Variants in SCAMP4 observed in about 807,000 individuals in gnomAD.
SCAMP4 encodes secretory carrier-associated membrane protein 4.
A neutral mutation model predicts 32.1 loss-of-function variants in SCAMP4; 19 were observed. The ratio of observed to expected loss-of-function variants is 0.59; its 90% CI spans 0.41 to 0.87. The LOEUF is 0.87. SCAMP4 is among the 40% of genes least tolerant of loss of function. SCAMP4 has a pLI of 0.00. For synonymous variants in SCAMP4, 152 were observed against 132.7 expected, an observed-to-expected ratio of 1.15 and a Z score of -1.00; for missense variants, 302 against 309.0, an observed-to-expected ratio of 0.98 and a Z score of 0.17.
Position 1,924,450 on chromosome 19 carries a change from C to T in SCAMP4, c.*166C>T. 1 of 622,412 alleles carries T rather than the reference C, an allele frequency of 1.6e-6. No individual in the cohort carries two copies. The highest frequency in any genetic ancestry group is 2.8e-6 in the Non-Finnish European group (1 of 352,550). The allele number at this position is 622,412 out of a possible 1,614,324, so 38.6% of individuals were successfully genotyped here. On this transcript the variant is annotated 3_prime_UTR_variant, in exon 7 of 7. Transcript: ENST00000316097. ...CCCCTCCTGCCAGGGCCACAGAACC[C>T]GTGTTCATCTCATCCGAGAGCGGAG... is the stretch of plus-strand genomic sequence containing the variant.
At chr19:1,907,452 G>C (rs562328198) in intron 1 of SCAMP4, among the ~76,000 whole-genome samples, 4 of 152,014 alleles carry the variant, frequency 2.6e-5, no homozygotes, top group Admixed American at 2.6e-4. Context: ...CCGAGGCTTG[G>C]AGGAGTCAGG....
intron 5 of SCAMP4, chr19:1,921,730 C>T (rs1376051870): frequency 6.3e-5 from 62 of 983,826 alleles, no homozygotes; most frequent in South Asian, 9.4e-5. Flanking sequence ...GTAATCCCAG[C>T]GCTTTGGGAG....
At chr19:1,913,213 T>C in intron 1 of SCAMP4, 2 of 1,457,034 alleles carry the variant, frequency 1.4e-6, no homozygotes, top group Non-Finnish European at 1.8e-6. Context: ...CTCCTGGACT[T>C]CCGGGCCTCG....
intron 4 of SCAMP4, 39 bp from the exon 5 acceptor site, chr19:1,918,850 A>G (rs978741960): frequency 1.3e-6 from 2 of 1,573,398 alleles, no homozygotes; most frequent in Non-Finnish European, 8.6e-7. Context: ...GGGAGAAGCC[A>G]GGGCTGTGGT....
intron 1 of SCAMP4, chr19:1,914,634 G>GC: frequency 2.6e-6 from 1 of 382,494 alleles, no homozygotes. Context: ...AGGCCCTGCA[G>GC]CGTTCACCTT....
Position 1,924,531 on chromosome 19 carries a change from C to G in SCAMP4, c.*247C>G. 1 of 541,188 alleles carries G rather than the reference C, an allele frequency of 1.8e-6. No homozygotes were observed. The highest frequency in any genetic ancestry group is 3.4e-6 in the Non-Finnish European group (1 of 297,326). The allele number at this position is 541,188 out of a possible 1,614,324, so 33.5% of individuals were successfully genotyped here. A position where few individuals can be genotyped will look rare whatever the true frequency, so the allele number is the denominator to read the frequency against. ...GCCTCTGCCGTCCACAGGACGCCCTCTTGCTCCCGGAAACGTGTGGTCACC... is the reference window on the plus strand; with the variant it reads ...GCCTCTGCCGTCCACAGGACGCCCTGTTGCTCCCGGAAACGTGTGGTCACC... On this transcript the variant is annotated 3_prime_UTR_variant, in exon 7 of 7. Coordinates refer to ENST00000316097, the MANE Select transcript of SCAMP4 (RefSeq NM_079834.4).
intron 1 of SCAMP4, among the ~76,000 whole-genome samples, 188 bp from the exon 2 acceptor site, chr19:1,914,791 G>A (rs1255731667): frequency 6.6e-6 from 1 of 152,202 alleles, no homozygotes; most frequent in African/African-American, 2.4e-5. Flanking sequence ...GGTGTGCACT[G>A]GAGCCGAGGG....
At chr19:1,910,155 G>A (rs1325366524) in intron 1 of SCAMP4, among the ~76,000 whole-genome samples, 1 of 152,178 alleles carries the variant, frequency 6.6e-6, no homozygotes, top group Non-Finnish European at 1.5e-5. Context: ...ATGTGACATG[G>A]CTGGCTCCTC....
chr19:1,917,305 C>T (rs2013764190), intron 2 of SCAMP4, among the ~76,000 whole-genome samples: 1 of 151,544 alleles, frequency 6.6e-6, no homozygotes, highest in Non-Finnish European at 1.5e-5. Flanking sequence ...GACTCCGTCT[C>T]AAAAAAAGAG....
chr19:1,920,199 G>A lies in SCAMP4; in HGVS notation c.395+1209G>A, dbSNP rs529226412. The A allele has an allele frequency of 1.1e-4, 105 of 985,322 alleles. No homozygotes were observed. In the South Asian group the frequency reaches 1.1e-3, roughly 11 times the overall value. The allele number at this position is 985,322 out of a possible 1,614,324, so 61.0% of individuals were successfully genotyped here. A position where few individuals can be genotyped will look rare whatever the true frequency, so the allele number is the denominator to read the frequency against. ...AGTGACTGTTCTCGCCCACGTCCCC[G>A]ACGTGTCTCCCTTGTCCTTGGCACG... is the stretch of plus-strand genomic sequence containing the variant. On this transcript the variant is annotated intron_variant, in intron 5 of 6. Transcript: ENST00000316097.
chr19:1,910,753 T>G (rs2013399826), intron 1 of SCAMP4, among the ~76,000 whole-genome samples: 1 of 151,236 alleles, frequency 6.6e-6, no homozygotes, highest in Non-Finnish European at 1.5e-5. Context: ...ATTTTTGTAT[T>G]TTTAGTAGAG....
chr19:1,919,389 C>T (rs917702841), intron 5 of SCAMP4: 17 of 985,266 alleles, frequency 1.7e-5, no homozygotes, highest in Non-Finnish European at 1.9e-5. Context: ...AACACACATA[C>T]CTGGTGCTGT....
chr19:1,912,461 A>C, intron 1 of SCAMP4: 1 of 1,504,918 alleles, frequency 6.6e-7, no homozygotes, highest in Non-Finnish European at 8.8e-7. Flanking sequence ...GCCTGGGGCA[A>C]CCCTTCCTGG....
chr19:1,920,431 C>A, intron 5 of SCAMP4: 2 of 606,648 alleles, frequency 3.3e-6, no homozygotes, highest in Non-Finnish European at 4.1e-6. Flanking sequence ...ATCTGCAGGC[C>A]TCTCCCCTCC....
chr19:1,924,495 A>G lies in SCAMP4; in HGVS notation c.*211A>G. 4.3e-5 allele frequency: 25 copies of G among 587,700 alleles called. No individual in the cohort carries two copies. In the South Asian group the frequency reaches 4.6e-4, roughly 11 times the overall value. 36.4% of individuals were successfully genotyped at this position (587,700 alleles called of 1,614,324 possible). The stretch of plus-strand genomic sequence containing the variant: ...GCGGAGTTCCTCACAAGCACTCCCC[A>G]GCAGCCCTTGGCCTCTGCCGTCCAC... On this transcript the variant is annotated 3_prime_UTR_variant, in exon 7 of 7. Transcript: ENST00000316097.
chr19:1,925,005 A>C lies in SCAMP4; in HGVS notation c.*721A>C, dbSNP rs993060605. The C allele has an allele frequency of 5.3e-5, 8 of 152,190 alleles. No individual in the cohort carries two copies. The highest frequency in any genetic ancestry group is 3.9e-4 in the Admixed American group (6 of 15,260). The allele number at this position is 152,190 out of a possible 1,614,324, so 9.4% of individuals were successfully genotyped here. ...AGTCGGGGACCCAGGCCAGGTCGGG[A>C]GCACAGCCGCTCCCCAAACCCAGCA... is the stretch of plus-strand genomic sequence containing the variant. On this transcript the variant is annotated 3_prime_UTR_variant, in exon 7 of 7. Coordinates refer to ENST00000316097, the MANE Select transcript of SCAMP4 (RefSeq NM_079834.4).
In SCAMP4 at chr19:1,918,916, G is replaced by A. The variant is rs370734476; in HGVS notation, c.321G>A (p.Ala107=). Residue 107 remains alanine (A), a synonymous_variant, in exon 5 of 7, where the codon GCG becomes GCA. Coordinates refer to ENST00000316097, the MANE Select transcript of SCAMP4 (RefSeq NM_079834.4). The stretch of plus-strand genomic sequence containing the variant: ...CCGACAGCTCCTTTAATTTCATGGC[G>A]TTTTTCTTCATCTTCGGAGCCCAGT... ...FRADSSFNFM[A]FFFIFGAQFV... is the part of the protein sequence containing the mutation. 57 of 1,611,788 alleles carry A rather than the reference G, an allele frequency of 3.5e-5. No individual in the cohort carries two copies. The highest frequency in any genetic ancestry group is 1.1e-4 in the African/African-American group (8 of 74,902).
At chr19:1,914,130 G>A (rs1328073405) in intron 1 of SCAMP4, among the ~76,000 whole-genome samples, 1 of 152,172 alleles carries the variant, frequency 6.6e-6, no homozygotes, top group Non-Finnish European at 1.5e-5. Context: ...GGCAGCATTT[G>A]GGCCTCCTTC....
At chr19:1,910,575 CTTTTTTT>C (rs11350651) in intron 1 of SCAMP4, among the ~76,000 whole-genome samples, 5 of 95,092 alleles carry the variant, frequency 5.3e-5, no homozygotes, top group African/African-American at 1.5e-4. Flanking sequence ...TTTGAGGTGT[CTTTTTTT>C]TTTTTTTTTT....
Sources: gnomAD v4.1 joint callset for allele counts (sites outside exome capture counted in the v4.1 genomes callset) on GRCh38, gnomAD v4.1.1 for gene constraint, MANE v1.5 for transcripts, NCBI Gene and HGNC (gene_info 2026-07-23, HGNC 2026-07-21) for gene names.